Variants in PPP2R5C observed in about 807,000 individuals in gnomAD.
The protein encoded by PPP2R5C is serine/threonine-protein phosphatase 2A 56 kDa regulatory subunit gamma isoform.
In PPP2R5C, 7 loss-of-function variants were observed where a neutral mutation model predicts 68.9. The observed-to-expected ratio is 0.10, with a 90% CI of 0.06 to 0.19. The LOEUF (loss-of-function observed/expected upper bound fraction) is 0.19, where lower values mean the gene tolerates loss of function less well. Ranked by LOEUF, PPP2R5C falls within the 10% of genes least tolerant of loss-of-function variation. PPP2R5C has a pLI of 1.00. For synonymous variants in PPP2R5C, 210 were observed against 222.2 expected (o/e 0.95, Z 0.49); for missense variants, 348 against 641.3 (o/e 0.54, Z 4.94).
In PPP2R5C at chr14:101,850,883, A is replaced by G. The variant is rs1043252412; in HGVS notation, c.95-5803A>G. Among the ~76,000 whole-genome samples, 5 of 152,240 alleles carry G rather than the reference A, an allele frequency of 3.3e-5. No homozygotes were observed. In the East Asian group the frequency reaches 5.8e-4, roughly 18 times the overall value. Reference sequence around the variant, plus strand: ...TCTGCTAAGTTTCCTCATCTGGGACATAGAGGGGAGTGGAATTTAGTACAT... The same window carrying G: ...TCTGCTAAGTTTCCTCATCTGGGACGTAGAGGGGAGTGGAATTTAGTACAT... On this transcript the variant is annotated intron_variant, in intron 1 of 13. Transcript: ENST00000334743.
At chr14:101,800,181 T>A (rs1287539049) in intron 3 of PPP2R5C, among the ~76,000 whole-genome samples, 1 of 152,112 alleles carries the variant, frequency 6.6e-6, no homozygotes, top group Non-Finnish European at 1.5e-5. Flanking sequence ...CTCAGGATGC[T>A]GAGGTTTCAG....
chr14:101,909,947 A>G (rs2046293196), intron 11 of PPP2R5C, among the ~76,000 whole-genome samples: 1 of 152,226 alleles, frequency 6.6e-6, no homozygotes. Flanking sequence ...CAAGAATTTA[A>G]CATTCAGAAT....
chr14:101,893,769 G>A lies in PPP2R5C; in HGVS notation c.798+661G>A, dbSNP rs546748617. ...CCATCTCAAAAATAAATAAATAAAT[G>A]AATGAATAAAGCTGTGAATTTTTTA... On this transcript the variant is annotated intron_variant, in intron 7 of 13. Coordinates refer to ENST00000334743, the Ensembl canonical transcript of PPP2R5C. Among the ~76,000 whole-genome samples the A allele has an allele frequency of 1.3e-4, 20 of 152,264 alleles. No homozygotes were observed. In the East Asian group the frequency reaches 2.1e-3, roughly 16 times the overall value.
At chr14:101,866,073 T>C (rs2043045787) in intron 2 of PPP2R5C, among the ~76,000 whole-genome samples, 1 of 152,160 alleles carries the variant, frequency 6.6e-6, no homozygotes. Context: ...TTTTGTATTT[T>C]TAATAGAGAC....
At chr14:101,909,711 G>A (rs1394144311) in intron 11 of PPP2R5C, 21 bp downstream of exon 13, 1 of 1,523,530 alleles carries the variant, frequency 6.6e-7, no homozygotes, top group African/African-American at 1.4e-5. Context: ...CCTTTCACAA[G>A]TTACTGTTTC....
At chr14:101,769,420 G>A (rs1442147269) in intron 2 of PPP2R5C, among the ~76,000 whole-genome samples, 3 of 152,118 alleles carry the variant, frequency 2.0e-5, no homozygotes, top group Admixed American at 6.6e-5. Flanking sequence ...TTGAGTTGGT[G>A]GGTTTTAAAA....
At position 101,781,168 on chromosome 14, in the gene PPP2R5C, G is replaced by C. The variant is rs969974904; in HGVS notation, c.94-4850G>C. 6.6e-6 allele frequency among the ~76,000 whole-genome samples: 1 copy of C among 152,184 alleles called. No homozygotes were observed. Among genetic ancestry groups the C allele is most frequent in the African/African-American group, 2.4e-5 (1 of 41,444 alleles). On this transcript the variant is annotated intron_variant, in intron 2 of 14. Coordinates refer to the PPP2R5C transcript ENST00000328724. This position sits in a 1 kb window ranked among gnomAD's most constrained non-coding sequence, Gnocchi z 6.4. ...GAGCAGGGAGGGAGCCGGGTGTCGG[G>C]GCTGCGGCAGGGTCCCCACCGGGCT...
intron 2 of PPP2R5C, among the ~76,000 whole-genome samples, chr14:101,875,248 G>A (rs1314592623): frequency 2.0e-5 from 3 of 152,126 alleles, no homozygotes; most frequent in Non-Finnish European, 2.9e-5. Context: ...TGGGAAGAAG[G>A]CTCTGCTCTC....
chr14:101,781,967 G>C lies in PPP2R5C; in HGVS notation c.94-4051G>C, dbSNP rs2037722355. On this transcript the variant is annotated intron_variant, in intron 2 of 14. Coordinates refer to the PPP2R5C transcript ENST00000328724. The surrounding 1 kb of genome is among the most constrained non-coding windows in gnomAD (Gnocchi z 6.4). ...GCTCTGGGCAGCTGCTCCCAAGGGA[G>C]CCCCTCGCCCTCTCTCTCTCCTTCC... 6.6e-6 allele frequency among the ~76,000 whole-genome samples: 1 copy of C among 151,578 alleles called. No homozygotes were observed. The highest frequency in any genetic ancestry group is 1.5e-5 in the Non-Finnish European group (1 of 67,810).
At chr14:101,772,212 C>G (rs2037186184) in intron 2 of PPP2R5C, among the ~76,000 whole-genome samples, 1 of 151,896 alleles carries the variant, frequency 6.6e-6, no homozygotes, top group Admixed American at 6.6e-5. Flanking sequence ...GAAGAGAAGA[C>G]TTATATTGGC....
intron 3 of PPP2R5C, among the ~76,000 whole-genome samples, chr14:101,799,507 C>G (rs775170978): frequency 1.3e-5 from 2 of 152,216 alleles, no homozygotes; most frequent in Non-Finnish European, 2.9e-5. Flanking sequence ...TGCTGAGCGA[C>G]AGCTCTGTCT....
chr14:101,781,767 G>T lies in PPP2R5C; in HGVS notation c.94-4251G>T, dbSNP rs116899619. Among the ~76,000 whole-genome samples, 4,473 of 151,940 alleles carry T rather than the reference G, an allele frequency of 0.029. 105 individuals carry two copies. Among genetic ancestry groups the T allele is most frequent in the East Asian group, 0.14 (734 of 5,096 alleles). On this transcript the variant is annotated intron_variant, in intron 2 of 14. Transcript: ENST00000328724. This position sits in a 1 kb window ranked among gnomAD's most constrained non-coding sequence, Gnocchi z 6.4. ...ACGCCGATCTGGCCTCCTGCGTTGC[G>T]CGCTCCAACCCTCTGCTTGGCCGCC...
intron 5 of PPP2R5C, among the ~76,000 whole-genome samples, chr14:101,886,990 C>T (rs2044568480): frequency 6.6e-6 from 1 of 152,222 alleles, no homozygotes; most frequent in Non-Finnish European, 1.5e-5. Context: ...CTGCCTCAGC[C>T]TCCCAAAGCA....
chr14:101,816,909 TAA>T (rs1491576742), intron 1 of PPP2R5C, among the ~76,000 whole-genome samples: 3 of 137,502 alleles, frequency 2.2e-5, no homozygotes, highest in Admixed American at 7.6e-5. Context: ...AATATATATA[TAA>T]TATATATATT....
intron 1 of PPP2R5C, among the ~76,000 whole-genome samples, chr14:101,854,839 T>C (rs2042329445): frequency 6.6e-6 from 1 of 152,224 alleles, no homozygotes; most frequent in Non-Finnish European, 1.5e-5. Flanking sequence ...ATAATAAACA[T>C]ATTACATTTT....
intron 1 of PPP2R5C, among the ~76,000 whole-genome samples, chr14:101,852,855 A>G (rs958389304): frequency 6.6e-6 from 1 of 152,080 alleles, no homozygotes; most frequent in Non-Finnish European, 1.5e-5. Flanking sequence ...CGGGTTTTGC[A>G]TGAGTATGTC....
intron 1 of PPP2R5C, chr14:101,836,082 ATTAC>A: frequency 1.6e-6 from 1 of 620,654 alleles, no homozygotes; most frequent in Non-Finnish European, 2.9e-6. Context: ...AATTTTTTTA[ATTAC>A]TTAAGGAAAT....
At chr14:101,801,467 T>C (rs2038859639) in intron 3 of PPP2R5C, among the ~76,000 whole-genome samples, 1 of 152,270 alleles carries the variant, frequency 6.6e-6, no homozygotes, top group Admixed American at 6.5e-5. Context: ...CTTTCACTTA[T>C]ATTTTCATTT....
At chr14:101,761,072 G>T (rs866824788), upstream of PPP2R5C, among the ~76,000 whole-genome samples, 10 of 131,416 alleles carry the variant, frequency 7.6e-5, no homozygotes, top group Admixed American at 5.1e-4. Flanking sequence ...GGAGGGAGAG[G>T]AGGGAAGGGG....
Sources: allele counts gnomAD v4.1 joint callset (sites outside exome capture counted in the v4.1 genomes callset), GRCh38; gene constraint gnomAD v4.1.1; non-coding constraint Gnocchi (gnomAD v3.1); transcripts MANE v1.5; gene names NCBI Gene and HGNC (gene_info 2026-07-23, HGNC 2026-07-21).